KIT: variants seen among roughly 807,000 people sequenced by gnomAD.
KIT encodes the protein mast/stem cell growth factor receptor Kit.
A neutral mutation model predicts 105.7 loss-of-function variants in KIT; 16 were observed. The observed-to-expected ratio is 0.15, with a 90% CI of 0.10 to 0.23. The LOEUF is 0.23. KIT is among the 10% of genes least tolerant of loss of function. The pLI is 1.00. For synonymous variants in KIT, 438 were observed against 441.1 expected (o/e 0.99, Z 0.09); for missense variants, 858 against 1,213.8 (o/e 0.71, Z 4.36).
At chr4:54,701,383 A>G (rs561408365) in intron 4 of KIT, among the ~76,000 whole-genome samples, 3 of 151,934 alleles carry the variant, frequency 2.0e-5, no homozygotes, top group Non-Finnish European at 4.4e-5. Flanking sequence ...ATTATTAAAA[A>G]ATCCATAATA....
At chr4:54,662,651 C>T (rs1255782851) in intron 1 of KIT, among the ~76,000 whole-genome samples, 1 of 152,160 alleles carries the variant, frequency 6.6e-6, no homozygotes, top group Non-Finnish European at 1.5e-5. Flanking sequence ...CGTCTCACTG[C>T]AACCTCCACC....
chr4:54,736,905 T>G, intron 19 of KIT, 85 bp downstream of exon 19: 1 of 974,362 alleles, frequency 1.0e-6, no homozygotes, highest in Non-Finnish European at 1.6e-6. Flanking sequence ...GTTGAGGGTT[T>G]TCATAACACA....
rs139824855 is a variant in KIT, at chr4:54,667,464, C to T, written c.67+9383C>T. Among the ~76,000 whole-genome samples the T allele has an allele frequency of 3.1e-4, 47 of 152,200 alleles. 1 individual carries two copies. The highest frequency in any genetic ancestry group is 1.1e-3 in the African/African-American group (47 of 41,538). ...TAAGATTTAAGTTAACAATTCCAGT[C>T]CTATTCATTACCATTGGTTTGGAGG... On this transcript the variant is annotated intron_variant, in intron 1 of 20. Coordinates refer to ENST00000288135, the MANE Select transcript of KIT (RefSeq NM_000222.3).
At chr4:54,673,964 T>A (rs1274815482) in intron 1 of KIT, among the ~76,000 whole-genome samples, 1 of 152,140 alleles carries the variant, frequency 6.6e-6, no homozygotes, top group Non-Finnish European at 1.5e-5. Context: ...AGAGACAGGG[T>A]TTCACCATGT....
intron 7 of KIT, among the ~76,000 whole-genome samples, chr4:54,718,881 T>C (rs1721669689): frequency 6.6e-6 from 1 of 152,210 alleles, no homozygotes. Flanking sequence ...TGGGAATTTT[T>C]TAAAAAGTAT....
chr4:54,685,475 C>A (rs547252002), intron 1 of KIT, among the ~76,000 whole-genome samples: 9 of 152,324 alleles, frequency 5.9e-5, no homozygotes, highest in Non-Finnish European at 1.0e-4. Flanking sequence ...GCCACCCCTC[C>A]CCTTCATCCC....
At chr4:54,707,008 A>T in intron 5 of KIT, 90 bp from the exon 6 acceptor site, 1 of 735,694 alleles carries the variant, frequency 1.4e-6, no homozygotes, top group Admixed American at 2.6e-5. Context: ...AAATCAACCA[A>T]TTGTTTTTGT....
chr4:54,659,302 C>T (rs1717064642), intron 1 of KIT, among the ~76,000 whole-genome samples: 1 of 152,188 alleles, frequency 6.6e-6, no homozygotes, highest in South Asian at 2.1e-4. Flanking sequence ...CAGATTCCTG[C>T]CTCCCGTTCC....
intron 1 of KIT, among the ~76,000 whole-genome samples, chr4:54,672,447 A>T (rs918578707): frequency 1.2e-4 from 18 of 152,028 alleles, no homozygotes; most frequent in Non-Finnish European, 2.2e-4. Context: ...CTTCAGACTG[A>T]TACCTTTCTA....
chr4:54,671,957 A>C (rs367966498), intron 1 of KIT, among the ~76,000 whole-genome samples: 3 of 152,326 alleles, frequency 2.0e-5, no homozygotes, highest in Non-Finnish European at 4.4e-5. Context: ...TAAACTACAA[A>C]GACCTTCTTT....
At chr4:54,712,469 CT>C (rs1721222682) in intron 7 of KIT, among the ~76,000 whole-genome samples, 1 of 152,140 alleles carries the variant, frequency 6.6e-6, no homozygotes, top group African/African-American at 2.4e-5. Flanking sequence ...GTTTCCCTGG[CT>C]TTAAGTCCAA....
At chr4:54,679,236 G>A (rs1577929708) in intron 1 of KIT, among the ~76,000 whole-genome samples, 1 of 152,148 alleles carries the variant, frequency 6.6e-6, no homozygotes, top group Non-Finnish European at 1.5e-5. Context: ...TAACACAAAG[G>A]CAAGTGAAAA....
At chr4:54,696,852 A>G (rs926099516) in intron 2 of KIT, among the ~76,000 whole-genome samples, 7 of 152,258 alleles carry the variant, frequency 4.6e-5, no homozygotes, top group African/African-American at 1.7e-4. Flanking sequence ...GCCTCAGGGC[A>G]TGCTTCTGTG....
intron 7 of KIT, among the ~76,000 whole-genome samples, chr4:54,718,376 G>A (rs544193070): frequency 4.5e-4 from 68 of 152,156 alleles, no homozygotes; most frequent in Middle Eastern, 3.4e-3. Context: ...CACTGCACCC[G>A]GCCTATAACC....
chr4:54,698,160 A>T, intron 2 of KIT, 124 bp from the exon 3 acceptor site: 2 of 1,000,584 alleles, frequency 2.0e-6, no homozygotes, highest in Non-Finnish European at 3.1e-6. Context: ...GCTTTTGTTT[A>T]CACAGAAAAA....
intron 1 of KIT, among the ~76,000 whole-genome samples, 174 bp from the exon 2 acceptor site, chr4:54,695,338 T>C (rs532772075): frequency 6.6e-6 from 1 of 152,318 alleles, no homozygotes; most frequent in South Asian, 2.1e-4. Context: ...AATAATTTTA[T>C]AGATGAACTT....
chr4:54,664,361 A>G (rs1717527396), intron 1 of KIT, among the ~76,000 whole-genome samples: 1 of 152,106 alleles, frequency 6.6e-6, no homozygotes, highest in South Asian at 2.1e-4. Flanking sequence ...GGTCTAGGTT[A>G]TGAAGAATGC....
intron 7 of KIT, among the ~76,000 whole-genome samples, chr4:54,721,378 C>T (rs532028466): frequency 2.6e-5 from 4 of 152,304 alleles, no homozygotes; most frequent in Non-Finnish European, 4.4e-5. Context: ...TTTCTTGTGT[C>T]GTGTCCTACT....
At chr4:54,693,688 A>G (rs922500290) in intron 1 of KIT, among the ~76,000 whole-genome samples, 6 of 60,700 alleles carry the variant, frequency 9.9e-5, no homozygotes, top group Non-Finnish European at 2.2e-4. Flanking sequence ...GCAACCTTGC[A>G]TATGGTGGCA....
Sources: allele counts gnomAD v4.1 joint callset (sites outside exome capture counted in the v4.1 genomes callset), GRCh38; gene constraint gnomAD v4.1.1; transcripts MANE v1.5; gene names NCBI Gene and HGNC (gene_info 2026-07-23, HGNC 2026-07-21).